CNTN4: variants seen among roughly 807,000 people sequenced by gnomAD.
CNTN4 encodes contactin-4.
CNTN4 carries 77 observed loss-of-function variants against 122.5 expected under a neutral mutation model. The ratio of observed to expected loss-of-function variants is 0.63; its 90% CI spans 0.52 to 0.76. CNTN4 has a LOEUF of 0.76. CNTN4 is among the 30% of genes least tolerant of loss of function. The probability of loss-of-function intolerance (pLI) is 0.00; values close to 1 mark genes in which losing one functional copy is unlikely to be tolerated. For missense variants in CNTN4, 1,256 were observed against 1,259.1 expected (o/e 1.00, Z 0.04); for synonymous variants, 512 against 447.0 (o/e 1.15, Z -1.83).
intron 3 of CNTN4, among the ~76,000 whole-genome samples, chr3:2,393,784 C>A (rs891001177): frequency 6.6e-6 from 1 of 151,916 alleles, no homozygotes; most frequent in African/African-American, 2.4e-5. Flanking sequence ...TGTAAGTCCA[C>A]TATGCTCTTC....
At position 2,843,163 on chromosome 3, in the gene CNTN4, T is replaced by G. The variant is rs111284692; in HGVS notation, c.454+23582T>G. ...AGCATTTGATCTTCTTCCTAAATCT[T>G]ATTCTCCTATAGTTTTCCCAGTCAC... is the stretch of plus-strand genomic sequence containing the variant. On this transcript the variant is annotated intron_variant, in intron 7 of 24. Coordinates refer to ENST00000418658, the MANE Select transcript of CNTN4 (RefSeq NM_175607.3). Among the ~76,000 whole-genome samples the G allele has an allele frequency of 5.6e-3, 856 of 152,328 alleles. 9 individuals are homozygous for G. The highest frequency in any genetic ancestry group is 0.02 in the African/African-American group (817 of 41,572).
intron 14 of CNTN4, among the ~76,000 whole-genome samples, chr3:3,018,761 A>G (rs78597533): frequency 0.071 from 10,742 of 152,238 alleles, 549 homozygotes; most frequent in Admixed American, 0.11. Context: ...AGTAACAATG[A>G]GCACATTGGG....
Position 2,354,485 on chromosome 3 carries a change from C to T in CNTN4, c.-89+15252C>T, listed in dbSNP as rs376203814. Among the ~76,000 whole-genome samples the T allele has an allele frequency of 5.3e-5, 8 of 152,258 alleles. No individual in the cohort carries two copies. The East Asian group carries it at 5.8e-4, about 11-fold the overall frequency. ...GGCGGAGGTTACCGTGAGCCCAGAT[C>T]GCACCACTGCACTGCAGCCTGGGTG... On this transcript the variant is annotated intron_variant, in intron 3 of 24. Coordinates refer to ENST00000418658, the MANE Select transcript of CNTN4 (RefSeq NM_175607.3).
chr3:2,756,269 G>C (rs2149650441), intron 6 of CNTN4, among the ~76,000 whole-genome samples: 1 of 152,264 alleles, frequency 6.6e-6, no homozygotes, highest in African/African-American at 2.4e-5. Flanking sequence ...GATCATATGA[G>C]GAGGTGGGGC....
chr3:2,216,408 G>T (rs994963632), intron 2 of CNTN4, among the ~76,000 whole-genome samples: 1 of 152,110 alleles, frequency 6.6e-6, no homozygotes, highest in Non-Finnish European at 1.5e-5. Context: ...TGGGAGGAGG[G>T]AGAGCAGAAA....
At chr3:2,920,551 G>A (rs2094418571) in intron 12 of CNTN4, among the ~76,000 whole-genome samples, 1 of 151,780 alleles carries the variant, frequency 6.6e-6, no homozygotes, top group South Asian at 2.1e-4. Flanking sequence ...ACTTTCTGTG[G>A]GTCTATAATT....
At chr3:2,311,277 C>T (rs935749867) in intron 2 of CNTN4, among the ~76,000 whole-genome samples, 4 of 152,122 alleles carry the variant, frequency 2.6e-5, no homozygotes, top group African/African-American at 9.6e-5. Flanking sequence ...TGAATTTTTC[C>T]CCCTTGATTT....
intron 4 of CNTN4, among the ~76,000 whole-genome samples, chr3:2,717,872 A>G (rs550826715): frequency 3.9e-4 from 59 of 152,290 alleles, no homozygotes; most frequent in African/African-American, 1.4e-3. Flanking sequence ...TCTACTGGGT[A>G]TGAAGTGCTA....
At chr3:2,962,301 CCCAG>C (rs2094869177) in intron 13 of CNTN4, among the ~76,000 whole-genome samples, 1 of 152,170 alleles carries the variant, frequency 6.6e-6, no homozygotes, top group Non-Finnish European at 1.5e-5. Context: ...CACAGGAAAT[CCCAG>C]GTTTCCTTTC....
intron 2 of CNTN4, among the ~76,000 whole-genome samples, chr3:2,167,045 TCAGA>T (rs926813125): frequency 3.3e-5 from 5 of 152,280 alleles, no homozygotes; most frequent in Admixed American, 6.5e-5. Context: ...GTTGTGTACA[TCAGA>T]CATAGATGTA....
At chr3:2,437,927 T>A (rs974144108) in intron 3 of CNTN4, among the ~76,000 whole-genome samples, 1 of 152,118 alleles carries the variant, frequency 6.6e-6, no homozygotes, top group Non-Finnish European at 1.5e-5. Context: ...TTCAATGGGG[T>A]CTTTGCAGTC....
At chr3:2,562,500 A>G (rs2078998853) in intron 3 of CNTN4, among the ~76,000 whole-genome samples, 1 of 152,070 alleles carries the variant, frequency 6.6e-6, no homozygotes, top group African/African-American at 2.4e-5. Flanking sequence ...CTGTTCCTGC[A>G]TTAATTTGTT....
intron 7 of CNTN4, among the ~76,000 whole-genome samples, chr3:2,844,884 T>A (rs2093428343): frequency 6.6e-6 from 1 of 152,302 alleles, no homozygotes; most frequent in East Asian, 1.9e-4. Context: ...ATAATGACTG[T>A]TGCCTGTGGC....
At chr3:2,601,433 T>G (rs1411184105) in intron 4 of CNTN4, among the ~76,000 whole-genome samples, 1 of 152,216 alleles carries the variant, frequency 6.6e-6, no homozygotes, top group Non-Finnish European at 1.5e-5. Flanking sequence ...TAGCCAGTTT[T>G]CTCAGAACCT....
At chr3:2,917,229 G>T (rs544414634) in intron 12 of CNTN4, among the ~76,000 whole-genome samples, 21 of 151,820 alleles carry the variant, frequency 1.4e-4, no homozygotes, top group Middle Eastern at 3.4e-3. Flanking sequence ...CAGGGAGGTC[G>T]CAGTGAGCCG....
At chr3:2,121,042 C>T (rs1477152278) in intron 2 of CNTN4, among the ~76,000 whole-genome samples, 1 of 152,046 alleles carries the variant, frequency 6.6e-6, no homozygotes, top group Admixed American at 6.6e-5. Flanking sequence ...AAAGTCTAGA[C>T]TCATTGACTT....
chr3:2,959,014 T>C (rs2094827843), intron 13 of CNTN4, among the ~76,000 whole-genome samples: 1 of 152,158 alleles, frequency 6.6e-6, no homozygotes, highest in Non-Finnish European at 1.5e-5. Context: ...TCTGCATATA[T>C]ACAAAGACAC....
chr3:2,103,133 C>CTGGG (rs1263899590), intron 2 of CNTN4, among the ~76,000 whole-genome samples: 1 of 151,476 alleles, frequency 6.6e-6, no homozygotes, highest in African/African-American at 2.4e-5. Context: ...AGTAGCAGAG[C>CTGGG]TGGGATCTGA....
intron 2 of CNTN4, among the ~76,000 whole-genome samples, chr3:2,136,948 AAAAC>A (rs1473255433): frequency 1.3e-5 from 2 of 152,232 alleles, no homozygotes; most frequent in Non-Finnish European, 2.9e-5. Context: ...GCTGAAATGC[AAAAC>A]AAACAACCCC....
Sources: allele counts gnomAD v4.1 joint callset (sites outside exome capture counted in the v4.1 genomes callset), GRCh38; gene constraint gnomAD v4.1.1; transcripts MANE v1.5; gene names NCBI Gene and HGNC (gene_info 2026-07-23, HGNC 2026-07-21).